Variants in NF1 observed in about 807,000 individuals in gnomAD.
NF1 encodes the protein neurofibromin 1.
Under a neutral mutation model 325.7 loss-of-function variants are expected in NF1, and 122 were observed. That is an observed-to-expected ratio of 0.37 (90% confidence interval 0.32 to 0.44). NF1 has a LOEUF of 0.44. NF1 is among the 20% of genes least tolerant of loss of function. The probability of loss-of-function intolerance (pLI) is 1.00; values close to 1 mark genes in which losing one functional copy is unlikely to be tolerated. For missense variants in NF1, 2,140 were observed against 3,415.4 expected (o/e 0.63, Z 9.31); for synonymous variants, 1,091 against 1,186.0 (o/e 0.92, Z 1.65).
At chr17:31,189,386 T>A (rs1253492554) in intron 8 of NF1, among the ~76,000 whole-genome samples, 2 of 152,222 alleles carry the variant, frequency 1.3e-5, no homozygotes, top group Non-Finnish European at 2.9e-5. Flanking sequence ...TATTGAGATA[T>A]AATTCACATA....
rs786202184 is a variant in NF1, at chr17:31,350,276, C to G, written c.7415C>G (p.Pro2472Arg). ...LLTDISMENV[P>R]MDTYPIHHGD... ...ACTGATATTTCAATGGAAAATGTTC[C>G]TATGGATACATATCCCATTCATCAT... Residue 2472 changes from proline (P) to arginine (R), a missense_variant, in exon 50 of 58, where the codon CCT becomes CGT. Around this residue, in one of 10 missense-constraint regions of NF1, gnomAD observed 522 missense variants for 749.0 expected, o/e 0.70. Transcript: ENST00000358273. 4 of 1,613,358 alleles carry G rather than the reference C, an allele frequency of 2.5e-6. No individual in the cohort carries two copies. Among genetic ancestry groups the G allele is most frequent in the Non-Finnish European group, 3.4e-6 (4 of 1,179,390 alleles).
chr17:31,226,926 T>A (rs151093786), intron 18 of NF1, among the ~76,000 whole-genome samples: 7 of 152,354 alleles, frequency 4.6e-5, no homozygotes, highest in Admixed American at 1.3e-4. Flanking sequence ...GATGTTACTA[T>A]CAGTTATGAT....
chr17:31,343,015 G>A lies in NF1; in HGVS notation c.7069G>A (p.Glu2357Lys), dbSNP rs199474784. The change falls in exon 48 of 58, where the codon GAG becomes AAG. Residue 2357 changes from glutamate (E) to lysine (K), a missense_variant. Physicochemically the swap from Glu to Lys is moderately conservative, Grantham distance 56. Transcript: ENST00000358273. ...SLRIFNDKSP[E>K]EVFMAIRNPL... ...TCATGATTATCTTTAATAGAGTCCAGAGGAAGTATTTATGGCAATCCGGAA... is the reference window on the plus strand; with the variant it reads ...TCATGATTATCTTTAATAGAGTCCAAAGGAAGTATTTATGGCAATCCGGAA... 6.2e-7 allele frequency: 1 copy of A among 1,614,078 alleles called. No homozygotes were observed. Among genetic ancestry groups the A allele is most frequent in the East Asian group, 2.2e-5 (1 of 44,864 alleles).
chr17:31,101,527 A>G (rs190472095), intron 1 of NF1, among the ~76,000 whole-genome samples: 3 of 152,284 alleles, frequency 2.0e-5, no homozygotes, highest in African/African-American at 4.8e-5. Context: ...TTGATTTACC[A>G]AACTCTTTCC....
chr17:31,291,721 A>T (rs1279777952), intron 36 of NF1, among the ~76,000 whole-genome samples: 2 of 152,200 alleles, frequency 1.3e-5, no homozygotes, highest in East Asian at 3.8e-4. Flanking sequence ...TGAATAGCAC[A>T]TATTTGTGAT....
intron 51 of NF1, among the ~76,000 whole-genome samples, chr17:31,355,456 A>G (rs932091960): frequency 4.6e-5 from 7 of 152,280 alleles, no homozygotes; most frequent in African/African-American, 1.7e-4. Context: ...TATGACTATT[A>G]TGAATAGTTA....
chr17:31,305,774 CTAA>C (rs2068703516), intron 36 of NF1: 1 of 711,240 alleles, frequency 1.4e-6, no homozygotes, highest in East Asian at 2.7e-5. Flanking sequence ...GTTATTATTC[CTAA>C]TTTAGACTTG....
chr17:31,226,028 A>G (rs773582303), intron 17 of NF1, among the ~76,000 whole-genome samples: 2 of 152,148 alleles, frequency 1.3e-5, no homozygotes, highest in Non-Finnish European at 2.9e-5. Context: ...TAGCAAGTAG[A>G]TAGAATTTCC....
chr17:31,182,726 G>T, intron 8 of NF1, 61 bp downstream of exon 8: 1 of 1,473,152 alleles, frequency 6.8e-7, no homozygotes. Flanking sequence ...TTTACTCAAG[G>T]TGTGTATTAC....
chr17:31,311,098 G>C lies in NF1; in HGVS notation c.4836-14722G>C, dbSNP rs541462787. Among the ~76,000 whole-genome samples the C allele has an allele frequency of 2.0e-5, 3 of 151,956 alleles. No individual in the cohort carries two copies. In the East Asian group the frequency reaches 5.8e-4, roughly 30 times the overall value. ...CCTAAAGAAGTTAGAAACTGCAGGT[G>C]CACTACACCACGCCCAACTAATTTT... is the stretch of plus-strand genomic sequence containing the variant. On this transcript the variant is annotated intron_variant, in intron 36 of 57. Coordinates refer to ENST00000358273, the MANE Select transcript of NF1 (RefSeq NM_001042492.3).
intron 36 of NF1, among the ~76,000 whole-genome samples, chr17:31,276,852 T>C (rs2068019912): frequency 6.6e-6 from 1 of 152,156 alleles, no homozygotes; most frequent in African/African-American, 2.4e-5. Flanking sequence ...AATCGACCCT[T>C]GAACAACACT....
intron 1 of NF1, among the ~76,000 whole-genome samples, chr17:31,144,318 CA>C (rs1916437949): frequency 6.6e-6 from 1 of 152,172 alleles, no homozygotes; most frequent in Non-Finnish European, 1.5e-5. Context: ...TTCTAACATA[CA>C]GCAACAAGAG....
intron 1 of NF1, among the ~76,000 whole-genome samples, chr17:31,145,786 A>C (rs1180356442): frequency 6.6e-6 from 1 of 152,202 alleles, no homozygotes; most frequent in African/African-American, 2.4e-5. Context: ...AAAGGGAACA[A>C]AAGAAGTATC....
chr17:31,256,437 C>T (rs1763624854), intron 31 of NF1, among the ~76,000 whole-genome samples: 1 of 152,176 alleles, frequency 6.6e-6, no homozygotes, highest in South Asian at 2.1e-4. Context: ...CCACGCCCAG[C>T]CAGAGAATTG....
intron 1 of NF1, among the ~76,000 whole-genome samples, chr17:31,144,805 A>G (rs1458154006): frequency 6.6e-6 from 1 of 152,218 alleles, no homozygotes; most frequent in Non-Finnish European, 1.5e-5. Flanking sequence ...GCCGTATTTT[A>G]TTGGTCAGAA....
At position 31,338,081 on chromosome 17, in the gene NF1, G is replaced by A. The variant is rs1361250850; in HGVS notation, c.6761G>A (p.Cys2254Tyr). The change falls in exon 45 of 58, where the codon TGT (cysteine) becomes TAT (tyrosine). Residue 2254 changes from cysteine to tyrosine, a missense_variant. By Grantham distance (194) the Cys-to-Tyr change is radical. Coordinates refer to ENST00000358273, the MANE Select transcript of NF1 (RefSeq NM_001042492.3). ...CCAAGAGCTCTTGTTGTCTTTGGGT[G>A]TATTAGCAAACGAGTGTCTCATGGG... ...LQPRALVVFG[C>Y]ISKRVSHGQI... The A allele has an allele frequency of 1.2e-6, 2 of 1,613,804 alleles. No individual in the cohort carries two copies. Among genetic ancestry groups the A allele is most frequent in the African/African-American group, 1.3e-5 (1 of 74,902 alleles).
At position 31,367,223 on chromosome 17, in the gene NF1, A is replaced by C. The variant is rs769023081; in HGVS notation, c.8377+6520A>C. ...CTTTTTTTTCTTCCATTCTTTGTAA[A>C]GCTTCTCTGCCTTGCTCTAAATCAG... On this transcript the variant is annotated intron_variant, in intron 57 of 57. Coordinates refer to ENST00000358273, the MANE Select transcript of NF1 (RefSeq NM_001042492.3). The C allele has an allele frequency of 1.9e-5, 25 of 1,309,864 alleles. No individual in the cohort carries two copies. In the Admixed American group the frequency reaches 3.9e-4, roughly 20 times the overall value. The allele number at this position is 1,309,864 out of a possible 1,614,324, so 81.1% of individuals were successfully genotyped here.
intron 8 of NF1, among the ~76,000 whole-genome samples, chr17:31,184,812 A>C (rs2066209078): frequency 6.6e-6 from 1 of 152,262 alleles, no homozygotes; most frequent in South Asian, 2.1e-4. Context: ...ATTGTGAAAA[A>C]ACAAACACAA....
chr17:31,198,256 G>T (rs954688926), intron 8 of NF1, among the ~76,000 whole-genome samples: 13 of 152,024 alleles, frequency 8.6e-5, no homozygotes, highest in African/African-American at 3.1e-4. Context: ...TTTTTGTCTG[G>T]CTTTGGTATC....
Sources: allele counts gnomAD v4.1 joint callset (sites outside exome capture counted in the v4.1 genomes callset), GRCh38; gene constraint gnomAD v4.1.1; regional missense constraint gnomAD v4.1.1; transcripts MANE v1.5; gene names NCBI Gene and HGNC (gene_info 2026-07-23, HGNC 2026-07-21).